Variants in CFAP299 observed in about 807,000 individuals in gnomAD.
CFAP299 encodes cilia and flagella associated protein 299.
In CFAP299, 21 loss-of-function variants were observed where a neutral mutation model predicts 27.0. The observed-to-expected ratio is 0.78, with a 90% CI of 0.55 to 1.12. CFAP299 has a LOEUF of 1.12. Ranked by LOEUF, CFAP299 falls within the 50% of genes most tolerant of loss-of-function variation. The probability of loss-of-function intolerance (pLI) is 0.00; values close to 1 mark genes in which losing one functional copy is unlikely to be tolerated. For missense variants in CFAP299, 310 were observed against 276.6 expected, an observed-to-expected ratio of 1.12 and a Z score of -0.86; for synonymous variants, 104 against 98.1, an observed-to-expected ratio of 1.06 and a Z score of -0.36.
At chr4:80,850,964 CTT>C (rs1731487810) in intron 3 of CFAP299, among the ~76,000 whole-genome samples, 1 of 152,022 alleles carries the variant, frequency 6.6e-6, no homozygotes, top group African/African-American at 2.4e-5. Flanking sequence ...GAAGCTTCTA[CTT>C]TTTGGTTGAT....
intron 2 of CFAP299, among the ~76,000 whole-genome samples, chr4:80,364,175 T>C (rs1223062608): frequency 2.6e-5 from 4 of 151,416 alleles, no homozygotes; most frequent in Non-Finnish European, 1.5e-5. Flanking sequence ...CTCTGTATAG[T>C]ATATCACAAG....
intron 2 of CFAP299, among the ~76,000 whole-genome samples, chr4:80,433,934 C>T (rs1018442736): frequency 6.6e-6 from 1 of 152,158 alleles, no homozygotes; most frequent in African/African-American, 2.4e-5. Flanking sequence ...AAAGTCTCTT[C>T]AATGTGTAAC....
At chr4:80,928,329 C>A (rs897134570) in intron 4 of CFAP299, among the ~76,000 whole-genome samples, 2 of 152,070 alleles carry the variant, frequency 1.3e-5, no homozygotes, top group African/African-American at 4.8e-5. Flanking sequence ...CTAGCTGATA[C>A]CTAGGACCCA....
chr4:80,472,437 G>A (rs557902264), intron 2 of CFAP299, among the ~76,000 whole-genome samples: 7 of 152,244 alleles, frequency 4.6e-5, no homozygotes, highest in East Asian at 3.9e-4. Context: ...TGCTATTGCC[G>A]TCAGAACCCA....
intron 3 of CFAP299, among the ~76,000 whole-genome samples, chr4:80,740,917 G>C (rs4522860): frequency 0.35 from 52,933 of 151,894 alleles, 11,543 homozygotes; most frequent in African/African-American, 0.61. Flanking sequence ...GCTGCCAGGC[G>C]TGGGACCCAC....
rs550141339 is a variant in CFAP299, at chr4:80,385,547, C to T, written c.242+22663C>T. On this transcript the variant is annotated intron_variant, in intron 2 of 5. Transcript: ENST00000358105. ...CCCTGTGAGGTAGTTGTATTGTAAG[C>T]CCCATTGTACAGATGAGGAACACGG... is the stretch of plus-strand genomic sequence containing the variant. Among the ~76,000 whole-genome samples the T allele has an allele frequency of 4.0e-4, 61 of 152,110 alleles. 3 individuals carry two copies. The South Asian group carries it at 0.01, about 26-fold the overall frequency.
intron 3 of CFAP299, among the ~76,000 whole-genome samples, chr4:80,782,550 C>T (rs58850861): frequency 9.9e-5 from 14 of 141,364 alleles, no homozygotes; most frequent in Middle Eastern, 3.7e-3. Flanking sequence ...GAATATATAA[C>T]ATATTGATAT....
At chr4:80,386,523 G>T in intron 2 of CFAP299, 9 of 1,574,094 alleles carry the variant, frequency 5.7e-6, no homozygotes, top group Non-Finnish European at 5.2e-6. Context: ...GGGGGGGGGG[G>T]GTGCCGCCGG....
chr4:80,642,619 C>T (rs1739784849), intron 3 of CFAP299, among the ~76,000 whole-genome samples: 2 of 151,972 alleles, frequency 1.3e-5, no homozygotes, highest in African/African-American at 4.8e-5. Flanking sequence ...CAAAAATTAG[C>T]TGGGTGTGGT....
intron 3 of CFAP299, among the ~76,000 whole-genome samples, chr4:80,676,031 C>A (rs576873258): frequency 6.6e-6 from 1 of 151,426 alleles, no homozygotes; most frequent in Admixed American, 6.6e-5. Context: ...TTCAGCTCAC[C>A]CTCCATGGGC....
intron 4 of CFAP299, among the ~76,000 whole-genome samples, chr4:80,932,141 C>T (rs1444727586): frequency 1.3e-5 from 2 of 152,130 alleles, no homozygotes; most frequent in South Asian, 2.1e-4. Flanking sequence ...CATTCTGTAG[C>T]TTCAATTTTC....
intron 3 of CFAP299, among the ~76,000 whole-genome samples, chr4:80,830,905 G>C (rs982957557): frequency 1.3e-5 from 2 of 152,080 alleles, no homozygotes; most frequent in South Asian, 2.1e-4. Context: ...GCTGATCAAG[G>C]TCCAGAGATT....
chr4:80,918,922 G>A (rs912530524), intron 4 of CFAP299, among the ~76,000 whole-genome samples: 2 of 152,112 alleles, frequency 1.3e-5, no homozygotes, highest in Non-Finnish European at 2.9e-5. Flanking sequence ...AGGATGTTAA[G>A]TGGCATTGAA....
intron 3 of CFAP299, among the ~76,000 whole-genome samples, chr4:80,731,115 T>C (rs1560722026): frequency 6.6e-6 from 1 of 152,332 alleles, no homozygotes; most frequent in African/African-American, 2.4e-5. Flanking sequence ...TTTTTAAAGA[T>C]GAAACCTACT....
intron 2 of CFAP299, among the ~76,000 whole-genome samples, chr4:80,534,696 AT>A (rs1225362352): frequency 6.6e-6 from 1 of 152,150 alleles, no homozygotes; most frequent in African/African-American, 2.4e-5. Flanking sequence ...CAGAAAGTAA[AT>A]GATAGGCCCA....
chr4:80,948,645 AAG>A (rs1306083940), intron 5 of CFAP299, among the ~76,000 whole-genome samples: 5 of 151,556 alleles, frequency 3.3e-5, no homozygotes, highest in East Asian at 1.9e-4. Context: ...TAAGGCAAGA[AAG>A]AGAGAGAGAG....
chr4:80,836,838 A>G (rs1730586831), intron 3 of CFAP299, among the ~76,000 whole-genome samples: 1 of 152,240 alleles, frequency 6.6e-6, no homozygotes, highest in South Asian at 2.1e-4. Flanking sequence ...TTCTTAGAAA[A>G]CAAACGACTT....
At chr4:80,960,873 CA>C (rs1471903906) in intron 5 of CFAP299, among the ~76,000 whole-genome samples, 1 of 151,756 alleles carries the variant, frequency 6.6e-6, no homozygotes, top group African/African-American at 2.4e-5. Context: ...TTAATACATT[CA>C]TTAACAGGAC....
intron 3 of CFAP299, among the ~76,000 whole-genome samples, chr4:80,828,409 A>G (rs1039541733): frequency 6.6e-6 from 1 of 152,074 alleles, no homozygotes; most frequent in African/African-American, 2.4e-5. Context: ...ATGATTTTTC[A>G]CAAGAGTACC....
Sources: allele counts gnomAD v4.1 joint callset (sites outside exome capture counted in the v4.1 genomes callset), GRCh38; gene constraint gnomAD v4.1.1; transcripts MANE v1.5; gene names NCBI Gene and HGNC (gene_info 2026-07-23, HGNC 2026-07-21).